The following TPO variants were observed in gnomAD, a reference collection of about 807,000 sequenced individuals.
TPO encodes thyroid microsomal antigen.
In TPO, 78 loss-of-function variants were observed where a neutral mutation model predicts 96.9. The ratio of observed to expected loss-of-function variants is 0.81; its 90% CI spans 0.67 to 0.97. The LOEUF (loss-of-function observed/expected upper bound fraction) is 0.97, where lower values mean the gene tolerates loss of function less well. TPO is among the 50% of genes least tolerant of loss of function. The probability of loss-of-function intolerance (pLI) is 0.00; values close to 1 mark genes in which losing one functional copy is unlikely to be tolerated. For missense variants in TPO, 1,252 were observed against 1,274.8 expected (o/e 0.98, Z 0.27); for synonymous variants, 547 against 538.0 (o/e 1.02, Z -0.23).
chr2:1,526,836 C>G (rs1676639432), intron 15 of TPO, among the ~76,000 whole-genome samples: 1 of 134,406 alleles, frequency 7.4e-6, no homozygotes. Flanking sequence ...CTCCCCAAAT[C>G]CTCCCCACTC....
chr2:1,449,256 A>G lies in TPO; in HGVS notation c.483-4438A>G, dbSNP rs187415766. Among the ~76,000 whole-genome samples, 26 of 152,366 alleles carry G rather than the reference A, an allele frequency of 1.7e-4. No homozygotes were observed. In the East Asian group the frequency reaches 4.2e-3, roughly 25 times the overall value. On this transcript the variant is annotated intron_variant, in intron 5 of 16. Transcript: ENST00000329066. ...CATTTGCCTAAAAATCATCAAAAGT[A>G]TAAATTCAATGTTGCATCTCCCATC...
chr2:1,517,426 T>G (rs990363135), intron 15 of TPO, among the ~76,000 whole-genome samples: 35 of 152,304 alleles, frequency 2.3e-4, no homozygotes, highest in Middle Eastern at 3.4e-3. Flanking sequence ...GCGCTGCTGT[T>G]GAAAGACTCA....
At chr2:1,537,199 A>G (rs1487646466) in intron 15 of TPO, among the ~76,000 whole-genome samples, 1 of 89,046 alleles carries the variant, frequency 1.1e-5, no homozygotes, top group Non-Finnish European at 2.2e-5. Context: ...ACCTCCCCAA[A>G]TCCCCCCACT....
At chr2:1,478,810 AGG>A (rs1670246241) in intron 8 of TPO, among the ~76,000 whole-genome samples, 1 of 150,940 alleles carries the variant, frequency 6.6e-6, no homozygotes, top group South Asian at 2.1e-4. Context: ...ACATCCACAC[AGG>A]AAACACGGCA....
Position 1,464,830 on chromosome 2 carries a change from T to C in TPO, c.819+8548T>C, listed in dbSNP as rs556949331. Among the ~76,000 whole-genome samples, 26 of 152,340 alleles carry C rather than the reference T, an allele frequency of 1.7e-4. No homozygotes were observed. In the South Asian group the frequency reaches 5.4e-3, roughly 32 times the overall value. On this transcript the variant is annotated intron_variant, in intron 7 of 16. Coordinates refer to ENST00000329066, the MANE Select transcript of TPO (RefSeq NM_001206744.2). ...TGTCAGATGTGTGGATTGTGAAGAT[T>C]TTCTCCCACTCTGTGAGTTGTCTGT...
intron 1 of TPO, among the ~76,000 whole-genome samples, chr2:1,385,560 C>G (rs1661879164): frequency 6.6e-6 from 1 of 151,674 alleles, no homozygotes. Flanking sequence ...GTGATATCCC[C>G]TTTATCATTT....
rs1269221545 is a variant in TPO at position 1,540,578 on chromosome 2, C to T, written c.2619-16C>T. On this transcript the variant is annotated splice_polypyrimidine_tract_variant and intron_variant, in intron 15 of 16. Transcript: ENST00000329066. ...GCCGGACCCTCTCCCGATAACTGGA[C>T]ACGTGTCTCCCACAGGACACGCACT... The T allele has an allele frequency of 6.2e-7, 1 of 1,612,716 alleles. No homozygotes were observed. Among genetic ancestry groups the T allele is most frequent in the Non-Finnish European group, 8.5e-7 (1 of 1,180,020 alleles).
intron 15 of TPO, among the ~76,000 whole-genome samples, chr2:1,525,270 C>T (rs1558406921): frequency 6.8e-6 from 1 of 147,080 alleles, no homozygotes; most frequent in Admixed American, 6.8e-5. Context: ...GTGCAACCTC[C>T]TCAAATCCCC....
At chr2:1,472,034 T>C (rs947372800) in intron 7 of TPO, among the ~76,000 whole-genome samples, 2 of 152,034 alleles carry the variant, frequency 1.3e-5, no homozygotes, top group Non-Finnish European at 2.9e-5. Context: ...TCCCATTCTT[T>C]GAGTGCTCAT....
At chr2:1,512,057 G>A (rs1386153938) in intron 14 of TPO, among the ~76,000 whole-genome samples, 14 of 150,326 alleles carry the variant, frequency 9.3e-5, no homozygotes, top group African/African-American at 2.7e-4. Context: ...TTTTTGAGAC[G>A]GAGTCTCGCT....
upstream of TPO, among the ~76,000 whole-genome samples, chr2:1,410,541 A>G (rs1558250200): frequency 1.3e-5 from 2 of 152,260 alleles, no homozygotes; most frequent in Non-Finnish European, 2.9e-5. Flanking sequence ...CTATGGAGAC[A>G]TCAAGCAAAA....
intron 3 of TPO, among the ~76,000 whole-genome samples, chr2:1,426,848 GA>G (rs201739180): frequency 1.3e-5 from 2 of 151,910 alleles, no homozygotes; most frequent in South Asian, 2.1e-4. Flanking sequence ...AGCCGAAAAG[GA>G]AAAAAAATAA....
chr2:1,527,147 TC>T (rs1431649272), intron 15 of TPO, among the ~76,000 whole-genome samples: 3 of 42,764 alleles, frequency 7.0e-5, no homozygotes, highest in Admixed American at 3.1e-4. Flanking sequence ...CCTCCTCAAA[TC>T]CCCCCACTCT....
At chr2:1,530,526 GTGC>G in intron 15 of TPO, among the ~76,000 whole-genome samples, 1 of 44,808 alleles carries the variant, frequency 2.2e-5, no homozygotes, top group East Asian at 5.0e-4. Context: ...CCCCCACTCT[GTGC>G]AACCCCCCCA....
rs777598808 is a variant in TPO, at chr2:1,540,577, A to G, written c.2619-17A>G. 1.2e-6 allele frequency: 2 copies of G among 1,612,566 alleles called. No homozygotes were observed. Among genetic ancestry groups the G allele is most frequent in the Non-Finnish European group, 1.7e-6 (2 of 1,180,010 alleles). ...TGCCGGACCCTCTCCCGATAACTGG[A>G]CACGTGTCTCCCACAGGACACGCAC... On this transcript the variant is annotated splice_polypyrimidine_tract_variant and intron_variant, in intron 15 of 16. Transcript: ENST00000329066.
intron 1 of TPO, among the ~76,000 whole-genome samples, chr2:1,414,091 T>C (rs1662628045): frequency 6.6e-6 from 1 of 152,196 alleles, no homozygotes; most frequent in Non-Finnish European, 1.5e-5. Flanking sequence ...CCCAGTACTG[T>C]TACACTATTT....
intron 1 of TPO, among the ~76,000 whole-genome samples, chr2:1,407,002 G>A (rs1662258752): frequency 6.6e-6 from 1 of 152,214 alleles, no homozygotes; most frequent in African/African-American, 2.4e-5. Flanking sequence ...GGTGGAGGTT[G>A]AGAGGCAGAC....
chr2:1,511,079 A>G (rs555101250), intron 14 of TPO, among the ~76,000 whole-genome samples: 4 of 152,344 alleles, frequency 2.6e-5, no homozygotes, highest in Non-Finnish European at 5.9e-5. Context: ...AGGCGCTGAT[A>G]TAATTATAGA....
Position 1,540,662 on chromosome 2 carries a change from G to A in TPO, c.2687G>A (p.Cys896Tyr), listed in dbSNP as rs769250694. The A allele has an allele frequency of 5.0e-6, 8 of 1,613,440 alleles. No individual in the cohort carries two copies. The Admixed American group carries it at 8.3e-5, about 17-fold the overall frequency. ...GGCGGAGGAACTCCCGAGCTGAGAT[G>A]CGGAAAGCACCAGGCCGTAGGGACC... ...ETGGGTPELR[C>Y]GKHQAVGTSP... Residue 896 changes from cysteine to tyrosine, a missense_variant, in exon 16 of 17, where the codon TGC (cysteine) becomes TAC (tyrosine). Coordinates refer to ENST00000329066, the MANE Select transcript of TPO (RefSeq NM_001206744.2).
Sources: gnomAD v4.1 joint callset for allele counts (sites outside exome capture counted in the v4.1 genomes callset) on GRCh38, gnomAD v4.1.1 for gene constraint, MANE v1.5 for transcripts, NCBI Gene and HGNC (gene_info 2026-07-23, HGNC 2026-07-21) for gene names.